PRKN: variants seen among roughly 807,000 people sequenced by gnomAD.
PRKN encodes parkin RBR E3 ubiquitin protein ligase, also known as E3 ubiquitin-protein ligase parkin.
PRKN carries 56 observed loss-of-function variants against 59.5 expected under a neutral mutation model. The observed-to-expected ratio is 0.94, with a 90% CI of 0.76 to 1.18. The LOEUF (loss-of-function observed/expected upper bound fraction) is 1.18, where lower values mean the gene tolerates loss of function less well. Among genes scored for constraint, PRKN ranks in the 50% most tolerant of loss-of-function variants. PRKN has a pLI of 0.00. For synonymous variants in PRKN, 250 were observed against 222.1 expected, an observed-to-expected ratio of 1.13 and a Z score of -1.12; for missense variants, 657 against 596.4, an observed-to-expected ratio of 1.10 and a Z score of -1.06.
chr6:161,495,338 A>T (rs144386967), intron 9 of PRKN, among the ~76,000 whole-genome samples: 1 of 152,172 alleles, frequency 6.6e-6, no homozygotes, highest in Admixed American at 6.5e-5. Flanking sequence ...GCTATGGCTC[A>T]TAGTTGTCCT....
At chr6:162,102,953 G>A (rs1203650679) in intron 4 of PRKN, among the ~76,000 whole-genome samples, 1 of 150,838 alleles carries the variant, frequency 6.6e-6, no homozygotes, top group Non-Finnish European at 1.5e-5. Flanking sequence ...TGAGGCAGGA[G>A]AATGGCGTGA....
rs531636061 is a variant in PRKN, at chr6:161,578,362, G to T, written c.872-8946C>A. Reference sequence around the variant, plus strand: ...AAAGCAATAAATAACTTCACTGTTTGCTTCAAGAAACTCCTGCAAATAATT... The same window carrying T: ...AAAGCAATAAATAACTTCACTGTTTTCTTCAAGAAACTCCTGCAAATAATT... On this transcript the variant is annotated intron_variant, in intron 7 of 11. Transcript: ENST00000366898. The surrounding 1 kb of genome is among the most constrained non-coding windows in gnomAD (Gnocchi z 4.2). Among the ~76,000 whole-genome samples, 1 of 152,216 alleles carries T rather than the reference G, an allele frequency of 6.6e-6. No individual in the cohort carries two copies. The highest frequency in any genetic ancestry group is 1.9e-4 in the East Asian group (1 of 5,180).
chr6:162,585,480 C>A (rs964473815), intron 1 of PRKN, among the ~76,000 whole-genome samples: 4 of 152,048 alleles, frequency 2.6e-5, no homozygotes, highest in African/African-American at 9.7e-5. Context: ...ATATTTACTC[C>A]AATTATCTCA....
rs1169087134 is a variant in PRKN at position 161,468,437 on chromosome 6, C to CA, written c.1083+80416dup. 2.0e-5 allele frequency among the ~76,000 whole-genome samples: 3 copies of CA among 152,334 alleles called. No homozygotes were observed. The highest frequency in any genetic ancestry group is 3.4e-3 in the Middle Eastern group (1 of 294). On this transcript the variant is annotated intron_variant, in intron 9 of 11. Transcript: ENST00000366898. The surrounding 1 kb of genome is among the most constrained non-coding windows in gnomAD (Gnocchi z 5.9). Reference sequence around the variant, plus strand: ...CAACCATAATAAATGTCAAATCCTACAGAGTATCCTTTAAATGGCAAGGGG... The same window carrying CA: ...CAACCATAATAAATGTCAAATCCTACAAGAGTATCCTTTAAATGGCAAGGGG...
At chr6:162,279,382 AG>A (rs1224510778) in intron 2 of PRKN, among the ~76,000 whole-genome samples, 1 of 151,350 alleles carries the variant, frequency 6.6e-6, no homozygotes, top group African/African-American at 2.4e-5. Flanking sequence ...AGAAGGAGAG[AG>A]AGGGAAAGAA....
Position 161,463,009 on chromosome 6 carries a change from G to C in PRKN, c.1084-76132C>G, listed in dbSNP as rs974762598. On this transcript the variant is annotated intron_variant, in intron 9 of 11. Coordinates refer to ENST00000366898, the MANE Select transcript of PRKN (RefSeq NM_004562.3). The surrounding 1 kb of genome is among the most constrained non-coding windows in gnomAD (Gnocchi z 4.8). Reference sequence around the variant, plus strand: ...TATAGTAGACTGCAATGTACTGGAAGCAACAGGAAAGTCAGAGAGATAAAT... The same window carrying C: ...TATAGTAGACTGCAATGTACTGGAACCAACAGGAAAGTCAGAGAGATAAAT... Among the ~76,000 whole-genome samples, 1 of 152,180 alleles carries C rather than the reference G, an allele frequency of 6.6e-6. No homozygotes were observed. The highest frequency in any genetic ancestry group is 2.1e-4 in the South Asian group (1 of 4,836).
chr6:162,499,639 A>ATC (rs1416810197), intron 1 of PRKN, among the ~76,000 whole-genome samples: 1 of 152,208 alleles, frequency 6.6e-6, no homozygotes, highest in Non-Finnish European at 1.5e-5. Flanking sequence ...TGGAAAATTA[A>ATC]TCTTTTTGTG....
intron 2 of PRKN, among the ~76,000 whole-genome samples, chr6:162,404,383 G>T (rs1182891540): frequency 7.3e-6 from 1 of 137,012 alleles, no homozygotes; most frequent in Non-Finnish European, 1.6e-5. Context: ...AAAAAAAAAA[G>T]AAAGAAAGAA....
rs543236357 is a variant in PRKN at position 161,349,977 on chromosome 6, T to C, written c.*122A>G. On this transcript the variant is annotated 3_prime_UTR_variant, in exon 12 of 12. Transcript: ENST00000366898. The surrounding 1 kb of genome is among the most constrained non-coding windows in gnomAD (Gnocchi z 5.5). Reference sequence around the variant, plus strand: ...GCTGTAGTTGGACTTTGAAAAAAACTTGAAGAGTGTGTGTGCGCGCGCGCG... The same window carrying C: ...GCTGTAGTTGGACTTTGAAAAAAACCTGAAGAGTGTGTGTGCGCGCGCGCG... 7.5e-5 allele frequency: 55 copies of C among 732,914 alleles called. No individual in the cohort carries two copies. Among genetic ancestry groups the C allele is most frequent in the Non-Finnish European group, 1.2e-4 (51 of 414,942 alleles). 45.4% of individuals were successfully genotyped at this position (732,914 alleles called of 1,614,324 possible).
chr6:162,406,049 G>A (rs139705040), intron 2 of PRKN, among the ~76,000 whole-genome samples: 90 of 152,274 alleles, frequency 5.9e-4, no homozygotes, highest in African/African-American at 1.9e-3. Flanking sequence ...TACACAAGGA[G>A]CATCATTTTT....
At chr6:162,453,677 C>A (rs538648144) in intron 1 of PRKN, among the ~76,000 whole-genome samples, 43 of 152,200 alleles carry the variant, frequency 2.8e-4, no homozygotes, top group Middle Eastern at 3.4e-3. Context: ...CTGAAGTGGG[C>A]AGATCACCTG....
intron 1 of PRKN, among the ~76,000 whole-genome samples, chr6:162,717,258 C>A (rs867161919): frequency 5.3e-5 from 8 of 151,956 alleles, no homozygotes; most frequent in Non-Finnish European, 8.8e-5. Flanking sequence ...GCTAGCCCAG[C>A]GAACACCTTG....
intron 1 of PRKN, among the ~76,000 whole-genome samples, chr6:162,691,020 A>AT (rs1777753681): frequency 6.6e-6 from 1 of 152,104 alleles, no homozygotes; most frequent in Admixed American, 6.6e-5. Flanking sequence ...TTTACTAGTA[A>AT]TGTTGCAATT....
At chr6:161,702,765 G>A (rs945655697) in intron 7 of PRKN, among the ~76,000 whole-genome samples, 1 of 152,142 alleles carries the variant, frequency 6.6e-6, no homozygotes, top group Admixed American at 6.5e-5. Flanking sequence ...TGTAAAACAT[G>A]TAAAAGTGTT....
At chr6:161,742,491 C>T (rs1788230898) in intron 7 of PRKN, among the ~76,000 whole-genome samples, 2 of 152,184 alleles carry the variant, frequency 1.3e-5, no homozygotes, top group Admixed American at 1.3e-4. Context: ...ATTTGAGAAT[C>T]TTCATGACGC....
rs541553507 is a variant in PRKN at position 161,379,829 on chromosome 6, C to T, written c.1167+6965G>A. 1.1e-4 allele frequency among the ~76,000 whole-genome samples: 16 copies of T among 152,376 alleles called. No individual in the cohort carries two copies. The highest frequency in any genetic ancestry group is 3.4e-4 in the African/African-American group (14 of 41,598). ...ATTCCCCACAGCATCCTCCAGTACA[C>T]AGTCTGCACTCGAATCTCAAGCAGC... is the stretch of plus-strand genomic sequence containing the variant. On this transcript the variant is annotated intron_variant, in intron 10 of 11. Coordinates refer to ENST00000366898, the MANE Select transcript of PRKN (RefSeq NM_004562.3). The surrounding 1 kb of genome is among the most constrained non-coding windows in gnomAD (Gnocchi z 4.9).
At chr6:162,127,973 T>C (rs1781187826) in intron 4 of PRKN, among the ~76,000 whole-genome samples, 1 of 152,210 alleles carries the variant, frequency 6.6e-6, no homozygotes, top group Admixed American at 6.5e-5. Context: ...CTCTTCTACT[T>C]CAGCCCTACT....
intron 6 of PRKN, among the ~76,000 whole-genome samples, chr6:161,805,154 T>C (rs1791252885): frequency 6.6e-6 from 1 of 152,178 alleles, no homozygotes; most frequent in Non-Finnish European, 1.5e-5. Flanking sequence ...ATTTTCTGCC[T>C]GGGCTACTGT....
At chr6:162,197,545 G>A (rs1037449908) in intron 4 of PRKN, among the ~76,000 whole-genome samples, 7 of 152,124 alleles carry the variant, frequency 4.6e-5, no homozygotes, top group Admixed American at 4.6e-4. Context: ...TTTGTATAGT[G>A]AGGACTATAT....
Sources: allele counts gnomAD v4.1 joint callset (sites outside exome capture counted in the v4.1 genomes callset), GRCh38; gene constraint gnomAD v4.1.1; non-coding constraint Gnocchi (gnomAD v3.1); transcripts MANE v1.5; gene names NCBI Gene and HGNC (gene_info 2026-07-23, HGNC 2026-07-21).